The following PDGFD variants were observed in gnomAD, a reference collection of about 807,000 sequenced individuals.
PDGFD encodes the protein platelet-derived growth factor D.
A neutral mutation model predicts 44.7 loss-of-function variants in PDGFD; 30 were observed. The ratio of observed to expected loss-of-function variants is 0.67; its 90% CI spans 0.50 to 0.91. PDGFD has a LOEUF of 0.91. Among genes scored for constraint, PDGFD ranks in the 40% least tolerant of loss-of-function variants. PDGFD has a pLI of 0.00. For missense variants in PDGFD, 445 were observed against 457.8 expected (o/e 0.97, Z 0.25); for synonymous variants, 173 against 168.4 (o/e 1.03, Z -0.21).
At chr11:104,139,516 A>T (rs1186268740) in intron 1 of PDGFD, among the ~76,000 whole-genome samples, 1 of 152,238 alleles carries the variant, frequency 6.6e-6, no homozygotes, top group African/African-American at 2.4e-5. Context: ...CAACAATCCG[A>T]TCACAAACAC....
At chr11:103,918,898 T>C (rs1017547295) in intron 6 of PDGFD, among the ~76,000 whole-genome samples, 1 of 152,200 alleles carries the variant, frequency 6.6e-6, no homozygotes, top group East Asian at 1.9e-4. Flanking sequence ...CTGGCGGTTA[T>C]AGGTTATCTG....
intron 1 of PDGFD, among the ~76,000 whole-genome samples, chr11:104,028,106 C>CGTG (rs1160492742): frequency 6.7e-6 from 1 of 148,648 alleles, no homozygotes; most frequent in Non-Finnish European, 1.5e-5. Flanking sequence ...AGGAGAATGG[C>CGTG]GTGAACCTGG....
chr11:104,029,175 T>C (rs929378713), intron 1 of PDGFD, among the ~76,000 whole-genome samples: 1 of 152,192 alleles, frequency 6.6e-6, no homozygotes, highest in Admixed American at 6.5e-5. Context: ...GACATTAATG[T>C]TCCCAAACCA....
intron 1 of PDGFD, chr11:104,036,764 C>A: frequency 2.1e-6 from 3 of 1,415,614 alleles, no homozygotes; most frequent in South Asian, 1.2e-5. Flanking sequence ...CAGGCCCGCC[C>A]CAGCCCGCCA....
At chr11:103,988,437 C>T (rs1384377937) in intron 3 of PDGFD, among the ~76,000 whole-genome samples, 3 of 151,950 alleles carry the variant, frequency 2.0e-5, no homozygotes, top group Non-Finnish European at 4.4e-5. Context: ...CTCATATGAT[C>T]AGCAACCAGG....
Position 103,919,049 on chromosome 11 carries a change from C to G in PDGFD, c.987+7863G>C, listed in dbSNP as rs190938923. Among the ~76,000 whole-genome samples the G allele has an allele frequency of 6.5e-4, 99 of 152,288 alleles. 1 individual carries two copies. The highest frequency in any genetic ancestry group is 2.3e-3 in the African/African-American group (97 of 41,566). On this transcript the variant is annotated intron_variant, in intron 6 of 6. Transcript: ENST00000393158. Reference sequence around the variant, plus strand: ...CACACAACCAGAAATAACAAATCCACTGGCGGGCAACCAGCATTTCTTAAC... The same window carrying G: ...CACACAACCAGAAATAACAAATCCAGTGGCGGGCAACCAGCATTTCTTAAC...
intron 1 of PDGFD, among the ~76,000 whole-genome samples, chr11:104,154,821 G>A (rs1210503186): frequency 6.6e-6 from 1 of 152,142 alleles, no homozygotes; most frequent in Admixed American, 6.5e-5. Flanking sequence ...TTCTATGGCT[G>A]CTTTTATGCT....
intron 1 of PDGFD, among the ~76,000 whole-genome samples, chr11:104,094,930 C>A (rs751083249): frequency 6.6e-6 from 1 of 152,028 alleles, no homozygotes; most frequent in Non-Finnish European, 1.5e-5. Flanking sequence ...ATGATGTGAC[C>A]CCTGCTAGGT....
chr11:103,909,863 C>A (rs1481962403), intron 6 of PDGFD, 44 bp from the exon 7 acceptor site: 1 of 1,612,074 alleles, frequency 6.2e-7, no homozygotes, highest in Non-Finnish European at 8.5e-7. Context: ...CTTTGGAGTT[C>A]AACTCAGTCA....
intron 3 of PDGFD, among the ~76,000 whole-genome samples, chr11:103,959,649 G>A (rs79488669): frequency 2.2e-3 from 334 of 152,262 alleles, no homozygotes; most frequent in Non-Finnish European, 3.6e-3. Context: ...CACACAGGTC[G>A]TGAGTTTCAG....
intron 1 of PDGFD, among the ~76,000 whole-genome samples, chr11:104,116,044 C>G (rs1385543645): frequency 6.6e-6 from 1 of 151,878 alleles, no homozygotes; most frequent in Non-Finnish European, 1.5e-5. Flanking sequence ...TAATTAAGTC[C>G]CAGCTACTTA....
Position 103,996,156 on chromosome 11 carries a change from A to G in PDGFD, c.419T>C (p.Ile140Thr). ...TTTAATTTGGTTCGTTCTTGATTTT[A>G]TCCTTGGAGGAACTTCCTTGTGTCC... is the stretch of plus-strand genomic sequence containing the variant. ...WCGHKEVPPR[I>T]KSRTNQIKIT... Residue 140 changes from isoleucine (I) to threonine (T), a missense_variant, in exon 3 of 7, where the codon ATA becomes ACA. Physicochemically the swap from Ile to Thr is moderately conservative, Grantham distance 89. Coordinates refer to ENST00000393158, the MANE Select transcript of PDGFD (RefSeq NM_025208.5). 1 of 1,613,756 alleles carries G rather than the reference A, an allele frequency of 6.2e-7. No individual in the cohort carries two copies. Among genetic ancestry groups the G allele is most frequent in the Non-Finnish European group, 8.5e-7 (1 of 1,179,756 alleles).
intron 3 of PDGFD, among the ~76,000 whole-genome samples, chr11:103,959,798 C>G (rs1858909502): frequency 6.6e-6 from 1 of 152,204 alleles, no homozygotes; most frequent in Admixed American, 6.5e-5. Context: ...AACTGCCTGA[C>G]TCAGTCCATA....
intron 5 of PDGFD, among the ~76,000 whole-genome samples, chr11:103,939,351 CTGTT>C (rs1414145482): frequency 1.3e-5 from 2 of 152,060 alleles, no homozygotes; most frequent in East Asian, 1.9e-4. Context: ...ATTTGGCTCT[CTGTT>C]TGTCTGTTAT....
intron 1 of PDGFD, among the ~76,000 whole-genome samples, chr11:104,044,507 G>A (rs915276480): frequency 6.6e-6 from 1 of 151,980 alleles, no homozygotes; most frequent in African/African-American, 2.4e-5. Context: ...AATCATATAT[G>A]GACAGTAAGA....
intron 1 of PDGFD, among the ~76,000 whole-genome samples, chr11:104,142,407 A>G (rs1862098782): frequency 6.6e-6 from 1 of 152,168 alleles, no homozygotes; most frequent in African/African-American, 2.4e-5. Context: ...GCCTGGATAC[A>G]TAATATTTAA....
At chr11:103,963,167 C>A (rs141359869) in intron 3 of PDGFD, among the ~76,000 whole-genome samples, 1 of 152,148 alleles carries the variant, frequency 6.6e-6, no homozygotes, top group Non-Finnish European at 1.5e-5. Flanking sequence ...AGCCTTCACA[C>A]ATTTTCACAT....
chr11:104,133,123 G>A (rs1861947865), intron 1 of PDGFD, among the ~76,000 whole-genome samples: 1 of 152,042 alleles, frequency 6.6e-6, no homozygotes. Context: ...AGGATTAAAT[G>A]AATATTAACT....
At chr11:104,028,191 GA>G (rs36060540) in intron 1 of PDGFD, among the ~76,000 whole-genome samples, 63,212 of 116,588 alleles carry the variant, frequency 0.54, 15,338 homozygotes, top group Admixed American at 0.62. Context: ...CTCCGTCAAA[GA>G]AAAAAAAAAA....
Sources: gnomAD v4.1 joint callset for allele counts (sites outside exome capture counted in the v4.1 genomes callset) on GRCh38, gnomAD v4.1.1 for gene constraint, MANE v1.5 for transcripts, NCBI Gene and HGNC (gene_info 2026-07-23, HGNC 2026-07-21) for gene names.